RASA3: variants seen among roughly 807,000 people sequenced by gnomAD.
RASA3 encodes ras GTPase-activating protein 3.
In RASA3, 73 loss-of-function variants were observed where a neutral mutation model predicts 110.0. The observed-to-expected ratio is 0.66, with a 90% CI of 0.55 to 0.81. The LOEUF is 0.81. Among genes scored for constraint, RASA3 ranks in the 30% least tolerant of loss-of-function variants. RASA3 has a pLI of 0.00. For missense variants in RASA3, 976 were observed against 1,113.2 expected (o/e 0.88, Z 1.75); for synonymous variants, 500 against 451.4 (o/e 1.11, Z -1.37).
rs2079866496 is a variant in RASA3, at chr13:114,089,620, ACAT to A, written c.56-15786_56-15784del. 1.3e-5 allele frequency among the ~76,000 whole-genome samples: 2 copies of A among 152,098 alleles called. 1 individual carries two copies. Among genetic ancestry groups the A allele is most frequent in the South Asian group, 4.1e-4 (2 of 4,824 alleles). On this transcript the variant is annotated intron_variant, in intron 1 of 23. Coordinates refer to ENST00000334062, the MANE Select transcript of RASA3 (RefSeq NM_007368.4). ...CTGCACGGACATCAGCCCTGCACAGACATCAGCCGCGCACGGCCGCCCCACAGC... is the reference window on the plus strand; with the variant it reads ...CTGCACGGACATCAGCCCTGCACAGACAGCCGCGCACGGCCGCCCCACAGC...
intron 2 of RASA3, among the ~76,000 whole-genome samples, chr13:114,071,942 G>A (rs567062515): frequency 2.0e-5 from 3 of 152,322 alleles, no homozygotes; most frequent in Non-Finnish European, 4.4e-5. Context: ...CAAAATAGCT[G>A]TTTTGATCAA....
At chr13:114,117,708 CGTGT>C (rs1566585961) in intron 1 of RASA3, among the ~76,000 whole-genome samples, 1 of 76,032 alleles carries the variant, frequency 1.3e-5, no homozygotes, top group African/African-American at 4.6e-5. Context: ...GAGGGGTGCA[CGTGT>C]GTGAGGGATG....
intron 21 of RASA3, among the ~76,000 whole-genome samples, chr13:113,992,853 T>C (rs2053151446): frequency 6.6e-6 from 1 of 152,236 alleles, no homozygotes; most frequent in Non-Finnish European, 1.5e-5. Context: ...CAGTTACCAT[T>C]GGCCTATTTG....
rs568698893 is a variant in RASA3, at chr13:114,097,899, G to A, written c.56-24062C>T. On this transcript the variant is annotated intron_variant, in intron 1 of 23. Transcript: ENST00000334062. Reference sequence around the variant, plus strand: ...TTGTCTCATTCGTGACCCTGTGCACGCCGTGCAGCAGTGCAGACGGCCGGG... The same window carrying A: ...TTGTCTCATTCGTGACCCTGTGCACACCGTGCAGCAGTGCAGACGGCCGGG... Among the ~76,000 whole-genome samples the A allele has an allele frequency of 3.9e-5, 6 of 152,318 alleles. No individual in the cohort carries two copies. In the East Asian group the frequency reaches 9.6e-4, roughly 24 times the overall value.
In RASA3 at chr13:114,065,485, G is replaced by A. The variant is rs1468764047; in HGVS notation, c.173+8235C>T. 3.3e-5 allele frequency among the ~76,000 whole-genome samples: 5 copies of A among 152,148 alleles called. No homozygotes were observed. Among genetic ancestry groups the A allele is most frequent in the East Asian group, 1.9e-4 (1 of 5,182 alleles). On this transcript the variant is annotated intron_variant, in intron 2 of 23. Coordinates refer to ENST00000334062, the MANE Select transcript of RASA3 (RefSeq NM_007368.4). The surrounding 1 kb of genome is among the most constrained non-coding windows in gnomAD (Gnocchi z 4.1). ...AGCCAGCCTCTGGGCTGAGCTCTGC[G>A]GTCCTGAGTCACTGCCTGACTCATC...
intron 1 of RASA3, among the ~76,000 whole-genome samples, chr13:114,103,448 G>A (rs900307156): frequency 6.6e-6 from 1 of 152,064 alleles, no homozygotes; most frequent in African/African-American, 2.4e-5. Context: ...GGGACGGGGG[G>A]ACGGGGGACA....
intron 2 of RASA3, among the ~76,000 whole-genome samples, chr13:114,055,226 T>C (rs1346781573): frequency 6.6e-6 from 1 of 152,200 alleles, no homozygotes; most frequent in Non-Finnish European, 1.5e-5. Flanking sequence ...CACAGGCATG[T>C]GTGCATGTTC....
chr13:114,124,421 T>C (rs1281690165), intron 1 of RASA3, among the ~76,000 whole-genome samples: 3 of 152,192 alleles, frequency 2.0e-5, no homozygotes, highest in Admixed American at 1.3e-4. Flanking sequence ...CAATAACCCA[T>C]GGGGAAACTC....
Position 114,024,443 on chromosome 13 carries a change from T to A in RASA3, c.604-88A>T, listed in dbSNP as rs552111445. 61 of 1,193,302 alleles carry A rather than the reference T, an allele frequency of 5.1e-5. No individual in the cohort carries two copies. The African/African-American group carries it at 6.9e-4, about 14-fold the overall frequency. 73.9% of individuals were successfully genotyped at this position (1,193,302 alleles called of 1,614,324 possible). The stretch of plus-strand genomic sequence containing the variant: ...ACCTAGGCCCCGGGCTGCCCTACCC[T>A]CTGCGCTTACCCACACACCACTCAA... On this transcript the variant is annotated intron_variant, in intron 7 of 23. Coordinates refer to ENST00000334062, the MANE Select transcript of RASA3 (RefSeq NM_007368.4).
chr13:114,120,594 G>A (rs1175826358), intron 1 of RASA3, among the ~76,000 whole-genome samples: 4 of 140,012 alleles, frequency 2.9e-5, no homozygotes, highest in African/African-American at 5.1e-5. Flanking sequence ...CCAGCCAGAC[G>A]TCGGTCAGGG....
intron 1 of RASA3, among the ~76,000 whole-genome samples, chr13:114,118,024 G>A (rs993640076): frequency 2.6e-5 from 4 of 152,064 alleles, no homozygotes; most frequent in African/African-American, 9.7e-5. Context: ...CCAAGTGTCC[G>A]TGAGTGCACG....
At chr13:114,016,822 G>C (rs1224710207) in intron 12 of RASA3, among the ~76,000 whole-genome samples, 1 of 152,214 alleles carries the variant, frequency 6.6e-6, no homozygotes, top group African/African-American at 2.4e-5. Context: ...GCACAGCCTG[G>C]CGGGCATCAG....
chr13:114,014,040 ATCTC>A lies in RASA3; in HGVS notation c.1406-796_1406-793del, dbSNP rs1249677000. Among the ~76,000 whole-genome samples, 1 of 43,888 alleles carries A rather than the reference ATCTC, an allele frequency of 2.3e-5. No homozygotes were observed. The highest frequency in any genetic ancestry group is 7.4e-5 in the African/African-American group (1 of 13,426). The allele number at this position is 43,888 out of a possible 152,430, so 28.8% of individuals were successfully genotyped here. On this transcript the variant is annotated intron_variant, in intron 14 of 23. Transcript: ENST00000334062. The surrounding 1 kb of genome is among the most constrained non-coding windows in gnomAD (Gnocchi z 4.5). ...TCTCCATCTCTCTCTCTCCGTCTCT[ATCTC>A]TCTCTCCGTCTGTCTCTGCCTCTCT...
At chr13:114,055,807 C>CATCTCACACAAG (rs1555336816) in intron 2 of RASA3, among the ~76,000 whole-genome samples, 41 of 135,696 alleles carry the variant, frequency 3.0e-4, no homozygotes, top group Admixed American at 7.2e-4. Flanking sequence ...GTGGCAGGTG[C>CATCTCACACAAG]CCAGGCTGTC....
chr13:114,042,686 A>G (rs1481663646), intron 3 of RASA3, among the ~76,000 whole-genome samples: 1 of 152,210 alleles, frequency 6.6e-6, no homozygotes, highest in East Asian at 1.9e-4. Flanking sequence ...CTCTCTTCCA[A>G]GGAAGATCCT....
chr13:114,027,895 T>G lies in RASA3; in HGVS notation c.482A>C (p.Asn161Thr), dbSNP rs2054057492. ...GGTGGCGTAGGGGTCACATTGCCCA[T>G]TCACGATGGGGAGGCCCTGGCACTC... ...IVECQGLPIV[N>T]GQCDPYATVT... The change falls in exon 6 of 24, where the codon AAT (asparagine) becomes ACT (threonine). Residue 161 changes from asparagine (N) to threonine (T), a missense_variant. Asn to Thr is a moderately conservative substitution (Grantham distance 65). Transcript: ENST00000334062. 2.5e-6 allele frequency: 4 copies of G among 1,613,782 alleles called. No homozygotes were observed. Among genetic ancestry groups the G allele is most frequent in the Non-Finnish European group, 3.4e-6 (4 of 1,179,964 alleles).
intron 10 of RASA3, 127 bp from the exon 11 acceptor site, chr13:114,018,379 C>T (rs2053841355): frequency 7.9e-7 from 1 of 1,268,322 alleles, no homozygotes. Context: ...CAGAAACACA[C>T]ACATTCACAA....
rs2079263666 is a variant in RASA3, at chr13:114,057,376, T to C, written c.174-5221A>G. On this transcript the variant is annotated intron_variant, in intron 2 of 23. Coordinates refer to ENST00000334062, the MANE Select transcript of RASA3 (RefSeq NM_007368.4). The surrounding 1 kb of genome is among the most constrained non-coding windows in gnomAD (Gnocchi z 5.0). ...CCACGAGCTGGACGAGCAGAAGGCATTGCAGGGCAGTGGGGTCCGGAGAGG... is the reference window on the plus strand; with the variant it reads ...CCACGAGCTGGACGAGCAGAAGGCACTGCAGGGCAGTGGGGTCCGGAGAGG... The C allele has an allele frequency of 1.0e-6, 1 of 985,336 alleles. No homozygotes were observed. The highest frequency in any genetic ancestry group is 1.2e-6 in the Non-Finnish European group (1 of 829,922). The allele number at this position is 985,336 out of a possible 1,614,324, so 61.0% of individuals were successfully genotyped here.
At chr13:114,016,173 G>C in intron 13 of RASA3, 24 bp downstream of exon 13, 1 of 1,544,072 alleles carries the variant, frequency 6.5e-7, no homozygotes, top group Non-Finnish European at 9.0e-7. Flanking sequence ...GACTGGCTTT[G>C]GTTGGTTCAT....
Sources: gnomAD v4.1 joint callset for allele counts (sites outside exome capture counted in the v4.1 genomes callset) on GRCh38, gnomAD v4.1.1 for gene constraint, Gnocchi (gnomAD v3.1) non-coding constraint, MANE v1.5 for transcripts, NCBI Gene and HGNC (gene_info 2026-07-23, HGNC 2026-07-21) for gene names.